Variants in AGTPBP1 observed in about 807,000 individuals in gnomAD.
AGTPBP1 encodes the protein cytosolic carboxypeptidase 1.
Under a neutral mutation model 143.9 loss-of-function variants are expected in AGTPBP1, and 70 were observed. The ratio of observed to expected loss-of-function variants is 0.49; its 90% CI spans 0.40 to 0.59. The LOEUF (loss-of-function observed/expected upper bound fraction) is 0.59, where lower values mean the gene tolerates loss of function less well. Ranked by LOEUF, AGTPBP1 falls within the 20% of genes least tolerant of loss-of-function variation. The probability of loss-of-function intolerance (pLI) is 0.00; values close to 1 mark genes in which losing one functional copy is unlikely to be tolerated. For missense variants in AGTPBP1, 1,229 were observed against 1,464.5 expected (o/e 0.84, Z 2.62); for synonymous variants, 463 against 500.2 (o/e 0.93, Z 0.99).
At chr9:85,697,749 GC>G (rs1836360758) in intron 2 of AGTPBP1, among the ~76,000 whole-genome samples, 1 of 152,122 alleles carries the variant, frequency 6.6e-6, no homozygotes, top group Non-Finnish European at 1.5e-5. Flanking sequence ...ACTGCGCCCA[GC>G]CCTTAATTTG....
At position 85,588,414 on chromosome 9, in the gene AGTPBP1, A is replaced by C; in HGVS notation, c.2787T>G (p.Val929=). 6.2e-7 allele frequency: 1 copy of C among 1,613,496 alleles called. No individual in the cohort carries two copies. Residue 929 remains valine, a synonymous_variant, in exon 21 of 26, where the codon GTT becomes GTG. Transcript: ENST00000357081. ...VHPGETNASW[V]MKGTLEYLMS... ...TGAGATATTCCAACGTTCCTTTCAT[A>C]ACCCAACTTGCATTAGTTTCTCCAG...
At chr9:85,677,040 T>C (rs1019537122) in intron 6 of AGTPBP1, among the ~76,000 whole-genome samples, 21 of 152,052 alleles carry the variant, frequency 1.4e-4, no homozygotes, top group African/African-American at 4.3e-4. Context: ...GCAAGGGTAA[T>C]GGAGAGCGGG....
chr9:85,559,231 A>G (rs1826542016), intron 25 of AGTPBP1, among the ~76,000 whole-genome samples: 1 of 152,190 alleles, frequency 6.6e-6, no homozygotes, highest in Admixed American at 6.5e-5. Context: ...CATCAGATGG[A>G]ATTTTTATTA....
intron 2 of AGTPBP1, 142 bp downstream of exon 2, chr9:85,712,360 C>A (rs1837434011): frequency 4.6e-6 from 2 of 430,628 alleles, no homozygotes; most frequent in Non-Finnish European, 8.0e-6. Flanking sequence ...AAAAGTTAAA[C>A]ATTAATAAAC....
chr9:85,751,894 C>A, the AGTPBP1 span, among the ~76,000 whole-genome samples: 3 of 151,382 alleles, frequency 2.0e-5, no homozygotes, highest in African/African-American at 7.3e-5. Context: ...GCATGAGCCA[C>A]CACTCCTGGC....
At chr9:85,693,675 T>C (rs1319420118) in intron 2 of AGTPBP1, among the ~76,000 whole-genome samples, 3 of 151,916 alleles carry the variant, frequency 2.0e-5, no homozygotes, top group Non-Finnish European at 4.4e-5. Context: ...AAGCAAAAAC[T>C]CCTGCCCCGC....
chr9:85,722,915 C>T (rs989502818), intron 1 of AGTPBP1, among the ~76,000 whole-genome samples: 2 of 152,136 alleles, frequency 1.3e-5, no homozygotes, highest in African/African-American at 4.8e-5. Context: ...AGTTTTCCTT[C>T]TAACAGTCGG....
intron 3 of AGTPBP1, among the ~76,000 whole-genome samples, chr9:85,687,975 A>G (rs1835590691): frequency 6.6e-6 from 1 of 151,648 alleles, no homozygotes; most frequent in Admixed American, 6.6e-5. Flanking sequence ...CCTGTAATCC[A>G]GCTACTCAGG....
At chr9:85,640,026 C>T (rs1485713915) in intron 13 of AGTPBP1, among the ~76,000 whole-genome samples, 1 of 152,130 alleles carries the variant, frequency 6.6e-6, no homozygotes, top group Non-Finnish European at 1.5e-5. Context: ...TAATCTTAAG[C>T]ATTAATGGTT....
intron 9 of AGTPBP1, among the ~76,000 whole-genome samples, chr9:85,659,806 T>C (rs1452944428): frequency 6.6e-6 from 1 of 152,146 alleles, no homozygotes; most frequent in Non-Finnish European, 1.5e-5. Flanking sequence ...AATTAATCTT[T>C]ATACAGTTTG....
At chr9:85,595,249 C>T (rs1031085908) in intron 18 of AGTPBP1, among the ~76,000 whole-genome samples, 11 of 152,074 alleles carry the variant, frequency 7.2e-5, no homozygotes, top group African/African-American at 2.2e-4. Context: ...AAGCCTTCTT[C>T]TAATTGATAA....
intron 11 of AGTPBP1, among the ~76,000 whole-genome samples, chr9:85,647,299 A>G (rs1428597749): frequency 1.3e-5 from 2 of 152,118 alleles, no homozygotes; most frequent in African/African-American, 4.8e-5. Flanking sequence ...AAGTTTATGA[A>G]TCTCTGTTGG....
At chr9:85,780,009 C>CTCATTA in the AGTPBP1 span, among the ~76,000 whole-genome samples, 1 of 152,188 alleles carries the variant, frequency 6.6e-6, no homozygotes, top group East Asian at 1.9e-4. Flanking sequence ...GATTTATGAT[C>CTCATTA]TCATTAATTT....
the AGTPBP1 span, among the ~76,000 whole-genome samples, chr9:85,754,402 G>C: frequency 6.6e-6 from 1 of 152,166 alleles, no homozygotes; most frequent in Non-Finnish European, 1.5e-5. Context: ...ATGTTAGCCA[G>C]GATGGTTTCG....
chr9:85,608,406 T>C (rs1830112282), intron 17 of AGTPBP1, among the ~76,000 whole-genome samples: 1 of 151,918 alleles, frequency 6.6e-6, no homozygotes, highest in Non-Finnish European at 1.5e-5. Flanking sequence ...ATAGAACAAT[T>C]GAACAAGAAA....
At chr9:85,566,678 T>C (rs915750079) in intron 25 of AGTPBP1, among the ~76,000 whole-genome samples, 2 of 151,988 alleles carry the variant, frequency 1.3e-5, no homozygotes, top group Admixed American at 6.5e-5. Context: ...AAGATATATA[T>C]CTCCTTGGAC....
At chr9:85,742,741 C>T (rs1239703826), upstream of AGTPBP1, among the ~76,000 whole-genome samples, 2 of 152,074 alleles carry the variant, frequency 1.3e-5, no homozygotes, top group Non-Finnish European at 2.9e-5. Context: ...ACTAATACAC[C>T]CCCTTCTGTT....
chr9:85,562,149 T>A (rs1826777015), intron 25 of AGTPBP1, among the ~76,000 whole-genome samples: 1 of 151,744 alleles, frequency 6.6e-6, no homozygotes, highest in African/African-American at 2.4e-5. Flanking sequence ...TAATGCCAAG[T>A]GTCCGTTAAA....
chr9:85,764,607 AT>A, the AGTPBP1 span: 1 of 579,298 alleles, frequency 1.7e-6, no homozygotes, highest in Non-Finnish European at 3.1e-6. Flanking sequence ...AAAACTAAAA[AT>A]ATATTCATTT....
Sources: allele counts gnomAD v4.1 joint callset (sites outside exome capture counted in the v4.1 genomes callset), GRCh38; gene constraint gnomAD v4.1.1; transcripts MANE v1.5; gene names NCBI Gene and HGNC (gene_info 2026-07-23, HGNC 2026-07-21).